IL1RAPL2: variants seen among roughly 807,000 people sequenced by gnomAD.
IL1RAPL2 encodes the protein interleukin 1 receptor accessory protein like 2, also known as X-linked interleukin-1 receptor accessory protein-like 2.
Under a neutral mutation model 44.1 loss-of-function variants are expected in IL1RAPL2, and 3 were observed. That is an observed-to-expected ratio of 0.07 (90% CI 0.03 to 0.18). The LOEUF (loss-of-function observed/expected upper bound fraction) is 0.18, where lower values mean the gene tolerates loss of function less well. Among genes scored for constraint, IL1RAPL2 ranks in the 10% least tolerant of loss-of-function variants. The pLI is 1.00. For synonymous variants in IL1RAPL2, 181 were observed against 178.8 expected (o/e 1.01, Z -0.10); for missense variants, 391 against 496.4 (o/e 0.79, Z 2.02).
intron 2 of IL1RAPL2, among the ~76,000 whole-genome samples, chrX:105,142,082 T>G (rs2033130228): frequency 9.0e-6 from 1 of 111,293 alleles, no homozygotes; most frequent in Non-Finnish European, 1.9e-5. Context: ...CTGAGGTTGC[T>G]TTCATTTTCT....
intron 2 of IL1RAPL2, among the ~76,000 whole-genome samples, chrX:105,065,212 G>A (rs933031548): frequency 1.3e-4 from 14 of 111,623 alleles, no homozygotes; most frequent in African/African-American, 3.6e-4. Flanking sequence ...CCACCACATC[G>A]TAATTGTTTG....
chrX:105,617,582 C>T (rs2037386510), intron 6 of IL1RAPL2, among the ~76,000 whole-genome samples: 1 of 111,664 alleles, frequency 9.0e-6, no homozygotes, highest in Non-Finnish European at 1.9e-5. Context: ...CTGACCTTGT[C>T]ATAATTAACA....
chrX:105,180,787 G>C (rs1049033457), intron 2 of IL1RAPL2, among the ~76,000 whole-genome samples: 1 of 110,688 alleles, frequency 9.0e-6, no homozygotes, highest in Non-Finnish European at 1.9e-5. Context: ...CAGATATATT[G>C]GCTTGTAGTT....
intron 1 of IL1RAPL2, among the ~76,000 whole-genome samples, chrX:104,597,458 C>T (rs1239384523): frequency 9.0e-6 from 1 of 110,982 alleles, no homozygotes; most frequent in Non-Finnish European, 1.9e-5. Flanking sequence ...ACTTTTGAGG[C>T]TTTGGTAAGA....
At chrX:104,692,680 T>C (rs1200113104) in intron 2 of IL1RAPL2, among the ~76,000 whole-genome samples, 1 of 111,458 alleles carries the variant, frequency 9.0e-6, no homozygotes, top group Non-Finnish European at 1.9e-5. Context: ...GAACTCATCA[T>C]TTTTTATGGC....
At chrX:105,293,372 A>G (rs1228129738) in intron 5 of IL1RAPL2, among the ~76,000 whole-genome samples, 2 of 111,893 alleles carry the variant, frequency 1.8e-5, no homozygotes, top group African/African-American at 6.5e-5. Context: ...ACTGCATAGT[A>G]TCCCATGGTA....
At chrX:105,550,053 G>T (rs2036839163) in intron 6 of IL1RAPL2, among the ~76,000 whole-genome samples, 1 of 112,248 alleles carries the variant, frequency 8.9e-6, no homozygotes, top group African/African-American at 3.2e-5. Flanking sequence ...ATTACTGGGT[G>T]TGGGAATGGC....
At chrX:105,002,004 AAAAG>A (rs1238956619) in intron 2 of IL1RAPL2, among the ~76,000 whole-genome samples, 2 of 111,209 alleles carry the variant, frequency 1.8e-5, no homozygotes, top group Non-Finnish European at 3.8e-5. Context: ...GGGTAAAAAT[AAAAG>A]TGATGAGTTT....
At chrX:105,563,851 C>A (rs956624938) in intron 6 of IL1RAPL2, among the ~76,000 whole-genome samples, 1 of 112,034 alleles carries the variant, frequency 8.9e-6, no homozygotes, top group Non-Finnish European at 1.9e-5. Context: ...GGCCAGAGGA[C>A]TGATAGTGGC....
chrX:104,770,315 G>A (rs1932621609), intron 2 of IL1RAPL2, among the ~76,000 whole-genome samples: 1 of 111,351 alleles, frequency 9.0e-6, no homozygotes, highest in Non-Finnish European at 1.9e-5. Flanking sequence ...ATTATATTCA[G>A]TGAATGATAA....
chrX:105,067,068 T>G (rs1602932237), intron 2 of IL1RAPL2, among the ~76,000 whole-genome samples: 1 of 111,905 alleles, frequency 8.9e-6, no homozygotes, highest in African/African-American at 3.3e-5. Flanking sequence ...TTGTTTTAAT[T>G]TAATTGTTGT....
At chrX:104,832,930 T>C (rs759125619) in intron 2 of IL1RAPL2, among the ~76,000 whole-genome samples, 2 of 111,560 alleles carry the variant, frequency 1.8e-5, no homozygotes, top group South Asian at 3.7e-4. Context: ...TTTGTTCTTT[T>C]GAATTTCATA....
chrX:105,041,978 A>G (rs894218771), intron 2 of IL1RAPL2, among the ~76,000 whole-genome samples: 8 of 110,708 alleles, frequency 7.2e-5, no homozygotes, highest in Non-Finnish European at 1.1e-4. Flanking sequence ...AAATGGGGAA[A>G]GGATTCCCTA....
At chrX:105,325,470 A>G (rs1388964518) in intron 5 of IL1RAPL2, among the ~76,000 whole-genome samples, 2 of 105,977 alleles carry the variant, frequency 1.9e-5, no homozygotes, top group Non-Finnish European at 3.8e-5. Flanking sequence ...GGGCTCTTAT[A>G]AATAATATTG....
chrX:105,154,847 C>T (rs1181360309), intron 2 of IL1RAPL2, among the ~76,000 whole-genome samples: 1 of 111,735 alleles, frequency 8.9e-6, no homozygotes, highest in Admixed American at 9.6e-5. Context: ...TTCTCTCTAA[C>T]CATGTACTAT....
At chrX:105,406,971 G>C (rs2035650006) in intron 5 of IL1RAPL2, 1 of 1,102,782 alleles carries the variant, frequency 9.1e-7, no homozygotes, top group African/African-American at 1.8e-5. Flanking sequence ...AAGCCAACCT[G>C]AGAGGGTCCA....
Position 104,948,674 on chromosome X carries a change from A to C in IL1RAPL2, c.83-246801A>C, listed in dbSNP as rs1467794894. 2.8e-3 allele frequency among the ~76,000 whole-genome samples: 312 copies of C among 111,416 alleles called. 2 individuals are homozygous for C. Among genetic ancestry groups the C allele is most frequent in the African/African-American group, 9.6e-3 (296 of 30,771 alleles). ...GGCCTTTTCTGCATCTATTGAGATAATCATGTGGTTTTTGTCTTTGGTTCT... is the reference window on the plus strand; with the variant it reads ...GGCCTTTTCTGCATCTATTGAGATACTCATGTGGTTTTTGTCTTTGGTTCT... On this transcript the variant is annotated intron_variant, in intron 2 of 10. Transcript: ENST00000372582.
chrX:104,830,832 G>A (rs1353496503), intron 2 of IL1RAPL2, among the ~76,000 whole-genome samples: 1 of 112,015 alleles, frequency 8.9e-6, no homozygotes, highest in Non-Finnish European at 1.9e-5. Context: ...GTGTCACATG[G>A]CAATTAATAA....
chrX:104,611,836 C>CAAAAAAA (rs57729757), intron 1 of IL1RAPL2, among the ~76,000 whole-genome samples: 1 of 39,956 alleles, frequency 2.5e-5, no homozygotes, highest in African/African-American at 1.0e-4. Flanking sequence ...GACTCCATCT[C>CAAAAAAA]AAAAAAAAAA....
Sources: allele counts gnomAD v4.1 joint callset (sites outside exome capture counted in the v4.1 genomes callset), GRCh38; gene constraint gnomAD v4.1.1; transcripts MANE v1.5; gene names NCBI Gene and HGNC (gene_info 2026-07-23, HGNC 2026-07-21).